TBX20: variants seen among roughly 807,000 people sequenced by gnomAD.
The protein encoded by TBX20 is T-box transcription factor TBX20.
TBX20 carries 8 observed loss-of-function variants against 42.9 expected under a neutral mutation model. That is an observed-to-expected ratio of 0.19 (90% CI 0.11 to 0.34). The LOEUF (loss-of-function observed/expected upper bound fraction) is 0.34, where lower values mean the gene tolerates loss of function less well. Ranked by LOEUF, TBX20 falls within the 10% of genes least tolerant of loss-of-function variation. TBX20 has a pLI of 1.00. For missense variants in TBX20, 411 were observed against 566.0 expected (o/e 0.73, Z 2.78); for synonymous variants, 198 against 222.8 (o/e 0.89, Z 0.99).
intron 5 of TBX20, among the ~76,000 whole-genome samples, chr7:35,234,130 A>T (rs1204086299): frequency 6.6e-6 from 1 of 152,224 alleles, no homozygotes; most frequent in African/African-American, 2.4e-5. Context: ...CTGATAAAAA[A>T]TTCATTTTGA....
At chr7:35,227,308 T>G (rs1789789501) in intron 6 of TBX20, among the ~76,000 whole-genome samples, 1 of 152,164 alleles carries the variant, frequency 6.6e-6, no homozygotes, top group Non-Finnish European at 1.5e-5. Context: ...GTAGCCTAAG[T>G]GTACAGTGTT....
At chr7:35,215,521 C>A (rs1290074964) in intron 6 of TBX20, among the ~76,000 whole-genome samples, 1 of 152,152 alleles carries the variant, frequency 6.6e-6, no homozygotes, top group Non-Finnish European at 1.5e-5. Flanking sequence ...GTATCACAAG[C>A]TAAGACACTA....
rs1790354816 is a variant in TBX20 at position 35,253,760 on chromosome 7, G to A, written c.-140C>T. The A allele has an allele frequency of 1.9e-6, 2 of 1,080,308 alleles. No individual in the cohort carries two copies. The highest frequency in any genetic ancestry group is 3.1e-5 in the South Asian group (2 of 64,404). 66.9% of individuals were successfully genotyped at this position (1,080,308 alleles called of 1,614,324 possible). The stretch of plus-strand genomic sequence containing the variant: ...GGGGCCAGGGACTCCAGAAGTGTCA[G>A]CTCCAACGACTCCAGAGCTGCACAC... On this transcript the variant is annotated 5_prime_UTR_variant, in exon 1 of 8. Coordinates refer to ENST00000408931, the MANE Select transcript of TBX20 (RefSeq NM_001077653.2).
intron 6 of TBX20, among the ~76,000 whole-genome samples, chr7:35,222,219 A>C (rs1789695162): frequency 6.6e-6 from 1 of 152,188 alleles, no homozygotes; most frequent in South Asian, 2.1e-4. Flanking sequence ...CTACAAAATA[A>C]GAATAAGTTT....
At chr7:35,227,628 T>G (rs1789797633) in intron 6 of TBX20, among the ~76,000 whole-genome samples, 1 of 152,148 alleles carries the variant, frequency 6.6e-6, no homozygotes, top group Non-Finnish European at 1.5e-5. Flanking sequence ...TCTGGGTTTG[T>G]GTAAATACAC....
intron 7 of TBX20, 87 bp from the exon 8 acceptor site, chr7:35,202,857 T>A: frequency 6.5e-7 from 1 of 1,535,860 alleles, no homozygotes; most frequent in African/African-American, 1.4e-5. Flanking sequence ...CAATTTGTGT[T>A]TAAGAATATT....
intron 6 of TBX20, among the ~76,000 whole-genome samples, chr7:35,222,013 C>CA (rs1328383260): frequency 6.6e-6 from 1 of 151,764 alleles, no homozygotes; most frequent in African/African-American, 2.4e-5. Flanking sequence ...TAATTCTTGG[C>CA]AAAAAATTGA....
chr7:35,219,067 G>A (rs1789637480), intron 6 of TBX20, among the ~76,000 whole-genome samples: 1 of 152,154 alleles, frequency 6.6e-6, no homozygotes, highest in Non-Finnish European at 1.5e-5. Flanking sequence ...TAACAGCCCA[G>A]TTGAACTAAG....
intron 6 of TBX20, among the ~76,000 whole-genome samples, chr7:35,222,980 G>A (rs944518604): frequency 4.6e-5 from 7 of 152,198 alleles, no homozygotes; most frequent in Admixed American, 3.9e-4. Flanking sequence ...AATAAGAGTG[G>A]AGGCAGAGAG....
At chr7:35,246,095 T>C (rs1419126702) in intron 3 of TBX20, among the ~76,000 whole-genome samples, 1 of 152,230 alleles carries the variant, frequency 6.6e-6, no homozygotes, top group African/African-American at 2.4e-5. Flanking sequence ...GCATTATTCA[T>C]GTAAAGAACA....
intron 5 of TBX20, among the ~76,000 whole-genome samples, chr7:35,234,092 A>C (rs1320988964): frequency 1.3e-5 from 2 of 152,236 alleles, no homozygotes; most frequent in East Asian, 1.9e-4. Flanking sequence ...CAATGGATAA[A>C]ATTTTCTACA....
At position 35,229,532 on chromosome 7, in the gene TBX20, C is replaced by T. The variant is rs1360664684; in HGVS notation, c.890+1972G>A. On this transcript the variant is annotated intron_variant, in intron 6 of 7. Transcript: ENST00000408931. ...TAAGAGTGCTGTCTTTGCCCTCAGA[C>T]CATTGAAAGCTACTTAGCTTCATGT... Among the ~76,000 whole-genome samples the T allele has an allele frequency of 2.6e-5, 4 of 152,198 alleles. No homozygotes were observed. The East Asian group carries it at 7.7e-4, about 29-fold the overall frequency.
chr7:35,236,115 T>C (rs1450611024), intron 5 of TBX20, among the ~76,000 whole-genome samples: 4 of 152,048 alleles, frequency 2.6e-5, no homozygotes, highest in Non-Finnish European at 5.9e-5. Context: ...GAGAAAGAAA[T>C]AGCAAATAAA....
chr7:35,205,755 A>C (rs1455251959), intron 6 of TBX20, among the ~76,000 whole-genome samples: 1 of 152,196 alleles, frequency 6.6e-6, no homozygotes, highest in African/African-American at 2.4e-5. Flanking sequence ...ATGAGGACTT[A>C]AGGATATGCC....
At chr7:35,245,716 G>A (rs1279286268) in intron 3 of TBX20, among the ~76,000 whole-genome samples, 1 of 152,118 alleles carries the variant, frequency 6.6e-6, no homozygotes, top group African/African-American at 2.4e-5. Context: ...GTTAAAACAA[G>A]CTAGACACAC....
intron 3 of TBX20, among the ~76,000 whole-genome samples, chr7:35,247,818 C>T (rs1219401078): frequency 6.6e-6 from 1 of 152,158 alleles, no homozygotes; most frequent in Non-Finnish European, 1.5e-5. Flanking sequence ...GTTTTAAAAT[C>T]CCAAACATAA....
At chr7:35,215,801 CAG>C (rs1386442490) in intron 6 of TBX20, among the ~76,000 whole-genome samples, 6 of 152,020 alleles carry the variant, frequency 3.9e-5, no homozygotes, top group African/African-American at 1.4e-4. Flanking sequence ...ATGGGCAAAA[CAG>C]AGGATCACTA....
intron 4 of TBX20, among the ~76,000 whole-genome samples, chr7:35,241,274 T>G (rs528128370): frequency 1.2e-4 from 19 of 152,218 alleles, no homozygotes; most frequent in Non-Finnish European, 2.2e-4. Flanking sequence ...CAAGTGTCCT[T>G]TCTAAAATGG....
At chr7:35,206,801 T>C (rs1225161778) in intron 6 of TBX20, among the ~76,000 whole-genome samples, 1 of 152,236 alleles carries the variant, frequency 6.6e-6, no homozygotes, top group Non-Finnish European at 1.5e-5. Flanking sequence ...TAATATATTC[T>C]TTTTTATCTG....
Sources: allele counts gnomAD v4.1 joint callset (sites outside exome capture counted in the v4.1 genomes callset), GRCh38; gene constraint gnomAD v4.1.1; transcripts MANE v1.5; gene names NCBI Gene and HGNC (gene_info 2026-07-23, HGNC 2026-07-21).